PCCA: variants seen among roughly 807,000 people sequenced by gnomAD.
PCCA encodes propionyl-CoA carboxylase subunit alpha, also known as propionyl-CoA carboxylase alpha chain, mitochondrial.
In PCCA, 74 loss-of-function variants were observed where a neutral mutation model predicts 101.3. The observed-to-expected ratio is 0.73, with a 90% CI of 0.61 to 0.89. The LOEUF (loss-of-function observed/expected upper bound fraction) is 0.89. Ranked by LOEUF, PCCA falls within the 40% of genes least tolerant of loss-of-function variation. The pLI is 0.00. For missense variants in PCCA, 891 were observed against 907.0 expected (o/e 0.98, Z 0.23); for synonymous variants, 294 against 313.6 (o/e 0.94, Z 0.66).
At chr13:100,136,617 T>C (rs928071648) in intron 4 of PCCA, among the ~76,000 whole-genome samples, 2 of 152,234 alleles carry the variant, frequency 1.3e-5, no homozygotes, top group African/African-American at 4.8e-5. Flanking sequence ...ATTTTGAGTG[T>C]GTTTTGTTAG....
intron 18 of PCCA, among the ~76,000 whole-genome samples, chr13:100,351,239 G>C (rs1362538145): frequency 6.6e-6 from 1 of 152,074 alleles, no homozygotes; most frequent in African/African-American, 2.4e-5. Flanking sequence ...ATCTGTGTAA[G>C]GCAATTTTCT....
intron 18 of PCCA, among the ~76,000 whole-genome samples, chr13:100,349,179 G>A (rs746762148): frequency 2.0e-5 from 3 of 150,748 alleles, no homozygotes; most frequent in Non-Finnish European, 4.4e-5. Context: ...GCTGGAGTGC[G>A]ATGGCGCAAT....
At chr13:100,262,855 T>C in intron 10 of PCCA, 24 bp downstream of exon 10, 1 of 892,532 alleles carries the variant, frequency 1.1e-6, no homozygotes. Flanking sequence ...AGATGCTTTT[T>C]CATTATTATT....
intron 6 of PCCA, among the ~76,000 whole-genome samples, chr13:100,181,762 CT>C (rs1207974666): frequency 5.3e-5 from 6 of 113,920 alleles, no homozygotes; most frequent in Admixed American, 9.8e-5. Flanking sequence ...TTTTCTTTTT[CT>C]TTTTTTCTTT....
At chr13:100,132,110 G>T (rs1415684) in intron 4 of PCCA, among the ~76,000 whole-genome samples, 136,029 of 152,142 alleles carry the variant, frequency 0.89, 60,888 homozygotes, top group East Asian at 0.99. Context: ...GAGGCCTGCA[G>T]TGTTGTTCAC....
chr13:100,465,927 G>T (rs1466875431), intron 21 of PCCA, among the ~76,000 whole-genome samples: 1 of 152,242 alleles, frequency 6.6e-6, no homozygotes, highest in Non-Finnish European at 1.5e-5. Flanking sequence ...TAGCTGTTTG[G>T]AAGTGTGTAA....
chr13:100,169,703 T>TA (rs2055435145), intron 6 of PCCA, among the ~76,000 whole-genome samples: 1 of 6,964 alleles, frequency 1.4e-4, no homozygotes, highest in Non-Finnish European at 2.7e-4. Context: ...AATTTCTGTA[T>TA]TTTTTTTTTT....
At chr13:100,400,819 T>G (rs1014124963) in intron 19 of PCCA, among the ~76,000 whole-genome samples, 4 of 151,756 alleles carry the variant, frequency 2.6e-5, no homozygotes, top group Non-Finnish European at 5.9e-5. Context: ...AGAGACGGGG[T>G]TTCACCATGT....
chr13:100,461,583 A>G (rs906814462), intron 21 of PCCA, among the ~76,000 whole-genome samples: 4 of 152,168 alleles, frequency 2.6e-5, no homozygotes, highest in Non-Finnish European at 5.9e-5. Flanking sequence ...CAGTCCCTCA[A>G]CTGACATGTC....
intron 20 of PCCA, among the ~76,000 whole-genome samples, chr13:100,448,303 C>T (rs1041882891): frequency 6.6e-6 from 1 of 152,236 alleles, no homozygotes; most frequent in African/African-American, 2.4e-5. Flanking sequence ...AGCAATTCTT[C>T]TGCCTTGGCC....
intron 21 of PCCA, among the ~76,000 whole-genome samples, chr13:100,494,781 A>G (rs149205862): frequency 9.4e-4 from 143 of 152,102 alleles, no homozygotes; most frequent in Middle Eastern, 3.4e-3. Context: ...CTGGCTTCCT[A>G]ACAGTCCTGT....
chr13:100,378,116 G>GC (rs144589238), intron 19 of PCCA, among the ~76,000 whole-genome samples: 4,729 of 152,232 alleles, frequency 0.031, 239 homozygotes, highest in African/African-American at 0.11. Flanking sequence ...GGATATGGTG[G>GC]TAATGCATTC....
rs1199700145 is a variant in PCCA, at chr13:100,517,235, G to A, written c.2040+1668G>A. 3.3e-5 allele frequency among the ~76,000 whole-genome samples: 5 copies of A among 152,304 alleles called. No individual in the cohort carries two copies. The East Asian group carries it at 5.8e-4, about 18-fold the overall frequency. On this transcript the variant is annotated intron_variant, in intron 22 of 23. Coordinates refer to ENST00000376285, the MANE Select transcript of PCCA (RefSeq NM_000282.4). ...AGACTGCAGCCCTGGCCCCTCACAC[G>A]GCCCTCAAGGAGGTTGCTCAGAGGC...
At chr13:100,128,569 A>T (rs1009460501) in intron 4 of PCCA, among the ~76,000 whole-genome samples, 4 of 152,106 alleles carry the variant, frequency 2.6e-5, no homozygotes, top group Non-Finnish European at 5.9e-5. Flanking sequence ...AGAATGATGG[A>T]TGAGAAGGAG....
At chr13:100,099,955 G>A (rs2047127718) in intron 1 of PCCA, among the ~76,000 whole-genome samples, 1 of 152,076 alleles carries the variant, frequency 6.6e-6, no homozygotes, top group Non-Finnish European at 1.5e-5. Flanking sequence ...AACTCTTATT[G>A]ACTATATTAT....
At chr13:100,346,442 G>A (rs570787689) in intron 18 of PCCA, among the ~76,000 whole-genome samples, 10 of 152,310 alleles carry the variant, frequency 6.6e-5, no homozygotes, top group African/African-American at 2.2e-4. Context: ...CTGCAATCTC[G>A]TGATAGAACT....
At chr13:100,362,875 A>G (rs1323151966) in intron 18 of PCCA, among the ~76,000 whole-genome samples, 1 of 152,152 alleles carries the variant, frequency 6.6e-6, no homozygotes, top group African/African-American at 2.4e-5. Context: ...ATGTAGGCAG[A>G]ATTCTAATCC....
chr13:100,335,274 T>C (rs375865236), intron 17 of PCCA, among the ~76,000 whole-genome samples: 2 of 152,300 alleles, frequency 1.3e-5, no homozygotes, highest in African/African-American at 2.4e-5. Flanking sequence ...CTTAAAAATA[T>C]ACATATTTTT....
chr13:100,423,028 G>A (rs370914496), intron 19 of PCCA, among the ~76,000 whole-genome samples: 2 of 143,174 alleles, frequency 1.4e-5, no homozygotes, highest in Non-Finnish European at 3.0e-5. Context: ...TTTCCAAATT[G>A]TATGCAGACA....
Sources: gnomAD v4.1 joint callset for allele counts (sites outside exome capture counted in the v4.1 genomes callset) on GRCh38, gnomAD v4.1.1 for gene constraint, MANE v1.5 for transcripts, NCBI Gene and HGNC (gene_info 2026-07-23, HGNC 2026-07-21) for gene names.